Variants in DPH6 observed in about 807,000 individuals in gnomAD.
The protein encoded by DPH6 is diphthamine biosynthesis 6.
In DPH6, 33 loss-of-function variants were observed where a neutral mutation model predicts 38.2. The observed-to-expected ratio is 0.86, with a 90% CI of 0.65 to 1.15. The LOEUF is 1.15. DPH6 is among the 50% of genes most tolerant of loss of function. The pLI is 0.00. For synonymous variants in DPH6, 108 were observed against 103.0 expected (o/e 1.05, Z -0.30); for missense variants, 325 against 320.0 (o/e 1.02, Z -0.12).
At chr15:35,265,762 A>T (rs1340341777) in intron 3 of DPH6, among the ~76,000 whole-genome samples, 1 of 152,220 alleles carries the variant, frequency 6.6e-6, no homozygotes, top group Non-Finnish European at 1.5e-5. Context: ...ATATGAAACC[A>T]ATGCAAAAAA....
intron 5 of DPH6, among the ~76,000 whole-genome samples, chr15:35,439,148 C>A (rs1214669478): frequency 6.6e-6 from 1 of 152,170 alleles, no homozygotes; most frequent in African/African-American, 2.4e-5. Context: ...TTTAAGATTT[C>A]ATTAGAAAAT....
At chr15:35,496,846 G>A (rs1289401028) in intron 3 of DPH6, among the ~76,000 whole-genome samples, 1 of 151,620 alleles carries the variant, frequency 6.6e-6, no homozygotes. Context: ...AGCAACACTG[G>A]CTTTCTCTCA....
At chr15:35,236,482 C>T (rs1164072286) in intron 3 of DPH6, among the ~76,000 whole-genome samples, 2 of 151,740 alleles carry the variant, frequency 1.3e-5, no homozygotes, top group Admixed American at 6.6e-5. Flanking sequence ...ACTAAAAATA[C>T]AAAAAAATTA....
chr15:35,467,921 A>G (rs1566921165), intron 3 of DPH6, among the ~76,000 whole-genome samples: 1 of 152,242 alleles, frequency 6.6e-6, no homozygotes, highest in Non-Finnish European at 1.5e-5. Context: ...TGTGATGTCA[A>G]TAGGAGATTG....
chr15:35,176,400 C>A, the DPH6 span, among the ~76,000 whole-genome samples: 6 of 151,854 alleles, frequency 4.0e-5, no homozygotes, highest in Non-Finnish European at 5.9e-5. Context: ...ATTGCCAGGC[C>A]TAACTTTTAT....
rs114252919 is a variant in DPH6, at chr15:35,472,645, C to G, written c.313-17825G>C. Among the ~76,000 whole-genome samples, 1,192 of 152,162 alleles carry G rather than the reference C, an allele frequency of 7.8e-3. 28 individuals carry two copies. The highest frequency in any genetic ancestry group is 0.027 in the African/African-American group (1,136 of 41,510). On this transcript the variant is annotated intron_variant, in intron 3 of 8. Transcript: ENST00000256538. ...CCCAAGATGAGCATAAAAACTTTAA[C>G]AGTATGTAATCATTTAAGGAAAATT...
chr15:35,502,402 T>C (rs1238233080), intron 3 of DPH6, among the ~76,000 whole-genome samples: 2 of 152,078 alleles, frequency 1.3e-5, no homozygotes, highest in East Asian at 3.8e-4. Flanking sequence ...ACTACATTAC[T>C]ACTGCCAACC....
intron 3 of DPH6, among the ~76,000 whole-genome samples, chr15:35,491,452 T>C (rs2054476652): frequency 6.6e-6 from 1 of 151,762 alleles, no homozygotes. Context: ...AATACTTCCT[T>C]AGTGGCACTG....
chr15:35,295,532 T>C (rs1394243451), intron 3 of DPH6, among the ~76,000 whole-genome samples: 1 of 152,226 alleles, frequency 6.6e-6, no homozygotes, highest in Non-Finnish European at 1.5e-5. Flanking sequence ...ACTTTCATTG[T>C]CTTCCTCCAT....
intron 3 of DPH6, among the ~76,000 whole-genome samples, chr15:35,267,229 G>A (rs1251323502): frequency 6.6e-6 from 1 of 152,204 alleles, no homozygotes; most frequent in Non-Finnish European, 1.5e-5. Context: ...AGTGGGCAGG[G>A]AGGAGCTGCT....
chr15:35,156,911 T>A, the DPH6 span, among the ~76,000 whole-genome samples: 2 of 152,224 alleles, frequency 1.3e-5, no homozygotes. Flanking sequence ...AGGACCTGAA[T>A]GTGTAGATTT....
chr15:35,145,857 T>G, the DPH6 span, among the ~76,000 whole-genome samples: 1 of 152,210 alleles, frequency 6.6e-6, no homozygotes, highest in East Asian at 1.9e-4. Context: ...TACATTGTTT[T>G]GAGGCACAAA....
intron 6 of DPH6, among the ~76,000 whole-genome samples, chr15:35,390,485 G>T (rs2053038806): frequency 2.0e-5 from 3 of 152,192 alleles, no homozygotes; most frequent in African/African-American, 4.8e-5. Flanking sequence ...ACACCAATTA[G>T]ACGTAGATTT....
intron 3 of DPH6, chr15:35,490,044 G>A: frequency 1.0e-6 from 1 of 985,310 alleles, no homozygotes. Context: ...AACACCCCAA[G>A]GCTACAAGAC....
intron 3 of DPH6, among the ~76,000 whole-genome samples, chr15:35,537,343 G>A (rs1436190407): frequency 1.3e-5 from 2 of 152,002 alleles, no homozygotes; most frequent in African/African-American, 4.8e-5. Context: ...TGTGAAAAAT[G>A]GCAAGACATC....
intron 3 of DPH6, chr15:35,365,715 T>C: frequency 1.1e-6 from 1 of 898,996 alleles, no homozygotes; most frequent in Non-Finnish European, 1.3e-6. Context: ...AATGATATCA[T>C]CACGGTATGG....
At chr15:35,470,198 CA>C (rs1166020376) in intron 3 of DPH6, among the ~76,000 whole-genome samples, 1 of 151,620 alleles carries the variant, frequency 6.6e-6, no homozygotes, top group Admixed American at 6.6e-5. Context: ...GACTGTGTCT[CA>C]AAAAAGACTA....
intron 3 of DPH6, among the ~76,000 whole-genome samples, chr15:35,254,984 G>C (rs2051698024): frequency 6.6e-6 from 1 of 152,184 alleles, no homozygotes; most frequent in Non-Finnish European, 1.5e-5. Context: ...CACAATGGTG[G>C]AATGTCATCA....
chr15:35,355,302 T>C (rs1046745136), intron 3 of DPH6, among the ~76,000 whole-genome samples: 21 of 152,212 alleles, frequency 1.4e-4, no homozygotes, highest in African/African-American at 4.6e-4. Flanking sequence ...GTTAATATTG[T>C]TATGTGTGAA....
Sources: allele counts gnomAD v4.1 joint callset (sites outside exome capture counted in the v4.1 genomes callset), GRCh38; gene constraint gnomAD v4.1.1; transcripts MANE v1.5; gene names NCBI Gene and HGNC (gene_info 2026-07-23, HGNC 2026-07-21).